Variants in NKAIN2 observed in about 807,000 individuals in gnomAD.
The protein encoded by NKAIN2 is sodium/potassium-transporting ATPase subunit beta-1-interacting protein 2.
NKAIN2 carries 14 observed loss-of-function variants against 32.6 expected under a neutral mutation model. The ratio of observed to expected loss-of-function variants is 0.43; its 90% CI spans 0.28 to 0.67. The LOEUF (loss-of-function observed/expected upper bound fraction) is 0.67. Among genes scored for constraint, NKAIN2 ranks in the 30% least tolerant of loss-of-function variants. The pLI, the probability that NKAIN2 is intolerant of heterozygous loss-of-function variation, is 0.17. For missense variants in NKAIN2, 198 were observed against 258.3 expected (o/e 0.77, Z 1.60); for synonymous variants, 80 against 87.2 (o/e 0.92, Z 0.46).
intron 5 of NKAIN2, among the ~76,000 whole-genome samples, chr6:124,791,938 T>C (rs973823592): frequency 6.6e-6 from 1 of 152,184 alleles, no homozygotes; most frequent in Non-Finnish European, 1.5e-5. Context: ...ACTCTAACTA[T>C]GTCAAAGTCT....
At chr6:124,636,025 T>C (rs903043369) in intron 3 of NKAIN2, among the ~76,000 whole-genome samples, 4 of 151,998 alleles carry the variant, frequency 2.6e-5, no homozygotes, top group Non-Finnish European at 4.4e-5. Flanking sequence ...TTCTCCAGGA[T>C]AGAGCATATG....
At chr6:123,864,783 A>C (rs976673635) in intron 1 of NKAIN2, among the ~76,000 whole-genome samples, 14 of 152,176 alleles carry the variant, frequency 9.2e-5, no homozygotes, top group African/African-American at 3.1e-4. Flanking sequence ...ATCACTATTC[A>C]AGTGTTCTAT....
At chr6:124,266,213 C>T (rs1794487055) in intron 1 of NKAIN2, among the ~76,000 whole-genome samples, 1 of 152,150 alleles carries the variant, frequency 6.6e-6, no homozygotes, top group Non-Finnish European at 1.5e-5. Flanking sequence ...TAAGTTTTCT[C>T]TAAAATTTTT....
At chr6:123,911,620 A>G (rs957991231) in intron 1 of NKAIN2, among the ~76,000 whole-genome samples, 1 of 151,968 alleles carries the variant, frequency 6.6e-6, no homozygotes, top group African/African-American at 2.4e-5. Flanking sequence ...TCCAAAGGGT[A>G]GCACTATCCA....
chr6:123,963,332 T>TA (rs1777935904), intron 1 of NKAIN2, among the ~76,000 whole-genome samples: 1 of 152,130 alleles, frequency 6.6e-6, no homozygotes, highest in Non-Finnish European at 1.5e-5. Flanking sequence ...CGAGAAAAAT[T>TA]AAAGTGTCTT....
At chr6:124,060,825 A>C (rs528942351) in intron 1 of NKAIN2, among the ~76,000 whole-genome samples, 11 of 152,156 alleles carry the variant, frequency 7.2e-5, no homozygotes, top group Admixed American at 5.9e-4. Context: ...ATGCAACACA[A>C]TGTTCTTTCT....
chr6:124,269,822 G>A (rs1381304234), intron 1 of NKAIN2, among the ~76,000 whole-genome samples: 1 of 152,022 alleles, frequency 6.6e-6, no homozygotes, highest in African/African-American at 2.4e-5. Flanking sequence ...GTACATGGTA[G>A]CGATCTCAAT....
chr6:124,689,623 A>C (rs1774164481), intron 4 of NKAIN2, among the ~76,000 whole-genome samples: 1 of 151,964 alleles, frequency 6.6e-6, no homozygotes, highest in Non-Finnish European at 1.5e-5. Flanking sequence ...ATTTATTTTG[A>C]GTTAATTTTT....
At chr6:124,318,107 A>C (rs1797036478) in intron 2 of NKAIN2, among the ~76,000 whole-genome samples, 1 of 152,086 alleles carries the variant, frequency 6.6e-6, no homozygotes, top group African/African-American at 2.4e-5. Context: ...CTAAAGCCTC[A>C]TGAAATAGTT....
chr6:124,520,034 G>A (rs1779063451), intron 3 of NKAIN2, among the ~76,000 whole-genome samples: 1 of 152,112 alleles, frequency 6.6e-6, no homozygotes, highest in African/African-American at 2.4e-5. Context: ...CAAGGTCACA[G>A]ACAAGTAAGT....
At chr6:124,192,898 C>T (rs548517206) in intron 1 of NKAIN2, among the ~76,000 whole-genome samples, 1 of 151,818 alleles carries the variant, frequency 6.6e-6, no homozygotes, top group Non-Finnish European at 1.5e-5. Flanking sequence ...TACAGGCGCC[C>T]GCCACCGCGC....
chr6:124,597,078 C>T (rs1782122065), intron 3 of NKAIN2, among the ~76,000 whole-genome samples: 1 of 152,154 alleles, frequency 6.6e-6, no homozygotes, highest in Non-Finnish European at 1.5e-5. Context: ...AGAGGGCAAT[C>T]TACTTTATTC....
At chr6:123,810,993 T>C (rs1235697618) in intron 1 of NKAIN2, among the ~76,000 whole-genome samples, 1 of 152,170 alleles carries the variant, frequency 6.6e-6, no homozygotes, top group Non-Finnish European at 1.5e-5. Flanking sequence ...CCAGAGAATT[T>C]GTATTGCTAA....
chr6:124,028,670 T>A (rs142852107), intron 1 of NKAIN2, among the ~76,000 whole-genome samples: 86 of 145,778 alleles, frequency 5.9e-4, no homozygotes, highest in African/African-American at 2.4e-3. Context: ...TTCTTTTAGG[T>A]CATTCTAAAA....
chr6:124,820,284 C>G (rs905372585), intron 6 of NKAIN2, among the ~76,000 whole-genome samples: 2 of 152,172 alleles, frequency 1.3e-5, no homozygotes, highest in African/African-American at 4.8e-5. Flanking sequence ...CTACTGAAGG[C>G]ATACTGTCTG....
intron 1 of NKAIN2, among the ~76,000 whole-genome samples, chr6:124,129,006 T>G (rs937310137): frequency 6.6e-6 from 1 of 152,142 alleles, no homozygotes; most frequent in East Asian, 1.9e-4. Flanking sequence ...AATTTGAATA[T>G]CTAATAAGTC....
intron 3 of NKAIN2, among the ~76,000 whole-genome samples, chr6:124,359,408 G>A (rs1035748556): frequency 3.9e-5 from 6 of 152,148 alleles, no homozygotes; most frequent in African/African-American, 1.4e-4. Context: ...GCATGAGCAT[G>A]GAATGTTCTT....
chr6:123,842,854 C>G (rs967478237), intron 1 of NKAIN2, among the ~76,000 whole-genome samples: 3 of 152,132 alleles, frequency 2.0e-5, no homozygotes, highest in Non-Finnish European at 4.4e-5. Flanking sequence ...GCTCCTTCCT[C>G]TTATCTGGTC....
At chr6:124,064,771 A>G (rs544676953) in intron 1 of NKAIN2, among the ~76,000 whole-genome samples, 4 of 152,134 alleles carry the variant, frequency 2.6e-5, no homozygotes, top group Non-Finnish European at 5.9e-5. Flanking sequence ...CAGTGTTAGC[A>G]GCCTAGGAAG....
Sources: allele counts gnomAD v4.1 joint callset (sites outside exome capture counted in the v4.1 genomes callset), GRCh38; gene constraint gnomAD v4.1.1; transcripts MANE v1.5; gene names NCBI Gene and HGNC (gene_info 2026-07-23, HGNC 2026-07-21).